AKR1E2: variants seen among roughly 807,000 people sequenced by gnomAD.
AKR1E2 encodes 1,5-anhydro-D-fructose reductase.
AKR1E2 carries 43 observed loss-of-function variants against 41.9 expected under a neutral mutation model. The observed-to-expected ratio is 1.03, with a 90% CI of 0.80 to 1.32. AKR1E2 has a LOEUF of 1.32. Ranked by LOEUF, AKR1E2 falls within the 40% of genes most tolerant of loss-of-function variation. The pLI is 0.00. For synonymous variants in AKR1E2, 121 were observed against 138.9 expected (o/e 0.87, Z 0.91); for missense variants, 423 against 396.5 (o/e 1.07, Z -0.57).
the AKR1E2 span, among the ~76,000 whole-genome samples, chr10:4,868,879 T>A: frequency 6.6e-6 from 1 of 152,194 alleles, no homozygotes; most frequent in African/African-American, 2.4e-5. Flanking sequence ...ATCCTTGATA[T>A]AAGCTATACT....
intron 1 of AKR1E2, among the ~76,000 whole-genome samples, chr10:4,827,823 C>G (rs1832665134): frequency 1.3e-5 from 2 of 152,148 alleles, no homozygotes; most frequent in Admixed American, 1.3e-4. Context: ...GCCCTTCATT[C>G]AGTAAGCACT....
At chr10:4,831,217 C>T (rs781618534) in intron 2 of AKR1E2, among the ~76,000 whole-genome samples, 12 of 152,138 alleles carry the variant, frequency 7.9e-5, no homozygotes, top group Non-Finnish European at 1.2e-4. Context: ...AAATTCTACC[C>T]CACATCTGTT....
chr10:4,854,178 C>T, the AKR1E2 span, among the ~76,000 whole-genome samples: 2 of 150,554 alleles, frequency 1.3e-5, no homozygotes, highest in East Asian at 2.0e-4. Flanking sequence ...ACTGCAAACT[C>T]CACCTCCCGG....
At position 4,826,305 on chromosome 10, in the gene AKR1E2, C is replaced by A; in HGVS notation, c.-20C>A. Reference sequence around the variant, plus strand: ...AGTCGCGTGCGGGGCGGCGGGGCGGCGGGGCGGCCGGCGGCGGCCATGGGA... The same window carrying A: ...AGTCGCGTGCGGGGCGGCGGGGCGGAGGGGCGGCCGGCGGCGGCCATGGGA... On this transcript the variant is annotated 5_prime_UTR_variant, in exon 1 of 10. Coordinates refer to ENST00000298375, the MANE Select transcript of AKR1E2 (RefSeq NM_001040177.3). 8.1e-7 allele frequency: 1 copy of A among 1,232,714 alleles called. No homozygotes were observed. The highest frequency in any genetic ancestry group is 1.0e-6 in the Non-Finnish European group (1 of 987,062). The allele number at this position is 1,232,714 out of a possible 1,614,324, so 76.4% of individuals were successfully genotyped here.
At chr10:4,856,745 A>G in the AKR1E2 span, among the ~76,000 whole-genome samples, 1 of 152,240 alleles carries the variant, frequency 6.6e-6, no homozygotes, top group Admixed American at 6.5e-5. Context: ...AAATCATTCC[A>G]TGGCACAGAG....
chr10:4,826,240 G>A lies in AKR1E2; in HGVS notation c.-85G>A, dbSNP rs1464303809. ...GCACTTCCAGCCAGTCGCAACGGCGGGTCGCCAGCGCCGCAGTAGCTCGCG... is the reference window on the plus strand; with the variant it reads ...GCACTTCCAGCCAGTCGCAACGGCGAGTCGCCAGCGCCGCAGTAGCTCGCG... On this transcript the variant is annotated 5_prime_UTR_variant, in exon 1 of 10. Coordinates refer to ENST00000298375, the MANE Select transcript of AKR1E2 (RefSeq NM_001040177.3). The A allele has an allele frequency of 1.8e-6, 2 of 1,120,908 alleles. No individual in the cohort carries two copies. Among genetic ancestry groups the A allele is most frequent in the East Asian group, 3.2e-5 (1 of 31,114 alleles). The allele number at this position is 1,120,908 out of a possible 1,614,324, so 69.4% of individuals were successfully genotyped here.
chr10:4,833,496 G>A, intron 3 of AKR1E2, 30 bp downstream of exon 3: 1 of 1,574,766 alleles, frequency 6.4e-7, no homozygotes, highest in Non-Finnish European at 8.7e-7. Context: ...TCGTTCTGCA[G>A]TTTGCAGGAC....
At chr10:4,857,372 G>A in the AKR1E2 span, among the ~76,000 whole-genome samples, 1 of 150,556 alleles carries the variant, frequency 6.6e-6, no homozygotes, top group African/African-American at 2.5e-5. Context: ...GTTCTCATAA[G>A]ATCTAGTTAT....
At chr10:4,869,751 C>G in the AKR1E2 span, among the ~76,000 whole-genome samples, 2 of 151,894 alleles carry the variant, frequency 1.3e-5, no homozygotes, top group African/African-American at 4.8e-5. Context: ...TCAAGACTTC[C>G]TGTTTTACCT....
chr10:4,872,254 C>A, the AKR1E2 span, among the ~76,000 whole-genome samples: 1 of 152,102 alleles, frequency 6.6e-6, no homozygotes, highest in South Asian at 2.1e-4. Context: ...GAAACAAATT[C>A]TCTCTTTTTT....
the AKR1E2 span, among the ~76,000 whole-genome samples, chr10:4,858,697 G>A: frequency 1.3e-5 from 2 of 152,278 alleles, no homozygotes; most frequent in East Asian, 3.9e-4. Flanking sequence ...AAGAAGGCAT[G>A]CACTAGGGGA....
chr10:4,826,658 T>C (rs1352304179), intron 1 of AKR1E2, among the ~76,000 whole-genome samples: 1 of 152,152 alleles, frequency 6.6e-6, no homozygotes, highest in Non-Finnish European at 1.5e-5. Flanking sequence ...GCGGGGCTGC[T>C]CTGTGGAGAG....
chr10:4,842,333 C>A, intron 7 of AKR1E2, 88 bp from the exon 8 acceptor site: 2 of 1,166,352 alleles, frequency 1.7e-6, no homozygotes, highest in Non-Finnish European at 2.5e-6. Flanking sequence ...TGGACTCTTA[C>A]TGCATGATAA....
At chr10:4,863,780 T>C in the AKR1E2 span, among the ~76,000 whole-genome samples, 1 of 151,926 alleles carries the variant, frequency 6.6e-6, no homozygotes, top group Admixed American at 6.6e-5. Flanking sequence ...AAAGGGGATA[T>C]CACCACCGAT....
chr10:4,835,099 C>T (rs767576325), intron 3 of AKR1E2, among the ~76,000 whole-genome samples: 13 of 152,244 alleles, frequency 8.5e-5, no homozygotes, highest in Non-Finnish European at 1.6e-4. Context: ...CTATGCCATT[C>T]ACCCTTAACA....
chr10:4,834,874 G>A (rs1833277700), intron 3 of AKR1E2, among the ~76,000 whole-genome samples: 1 of 152,234 alleles, frequency 6.6e-6, no homozygotes, highest in African/African-American at 2.4e-5. Context: ...CTTGTGTGAT[G>A]CTGGACAATT....
chr10:4,839,216 A>C (rs565055318), intron 5 of AKR1E2, among the ~76,000 whole-genome samples: 6 of 152,300 alleles, frequency 3.9e-5, no homozygotes, highest in Admixed American at 1.3e-4. Context: ...TCATTCATTC[A>C]TTCAGTGGAT....
At chr10:4,850,650 A>G (rs573889660), downstream of AKR1E2, among the ~76,000 whole-genome samples, 9 of 152,266 alleles carry the variant, frequency 5.9e-5, no homozygotes, top group South Asian at 2.1e-4. Flanking sequence ...TGGGTGTTCA[A>G]TGGTGTCTCA....
chr10:4,843,510 A>G (rs1466223736), intron 8 of AKR1E2, among the ~76,000 whole-genome samples: 1 of 152,202 alleles, frequency 6.6e-6, no homozygotes, highest in Non-Finnish European at 1.5e-5. Flanking sequence ...CATAGACAGC[A>G]TGTGCCCAGG....
Sources: allele counts gnomAD v4.1 joint callset (sites outside exome capture counted in the v4.1 genomes callset), GRCh38; gene constraint gnomAD v4.1.1; transcripts MANE v1.5; gene names NCBI Gene and HGNC (gene_info 2026-07-23, HGNC 2026-07-21).